Variants in CTNNA2 observed in about 807,000 individuals in gnomAD.
CTNNA2 encodes the protein catenin alpha 2, also known as catenin alpha-2.
In CTNNA2, 42 loss-of-function variants were observed where a neutral mutation model predicts 101.0. The ratio of observed to expected loss-of-function variants is 0.42; its 90% CI spans 0.32 to 0.54. The LOEUF (loss-of-function observed/expected upper bound fraction) is 0.54, where lower values mean the gene tolerates loss of function less well. Among genes scored for constraint, CTNNA2 ranks in the 20% least tolerant of loss-of-function variants. The probability of loss-of-function intolerance (pLI) is 0.14; values close to 1 mark genes in which losing one functional copy is unlikely to be tolerated. For missense variants in CTNNA2, 871 were observed against 1,223.1 expected, an observed-to-expected ratio of 0.71 and a Z score of 4.29; for synonymous variants, 450 against 456.4, an observed-to-expected ratio of 0.99 and a Z score of 0.18.
At chr2:79,353,268 G>A (rs1677432683) in intron 3 of CTNNA2, among the ~76,000 whole-genome samples, 1 of 152,208 alleles carries the variant, frequency 6.6e-6, no homozygotes, top group South Asian at 2.1e-4. Context: ...TTAGCAGCAA[G>A]TTGTCTAATT....
chr2:80,015,622 C>T (rs1694091095), intron 7 of CTNNA2, among the ~76,000 whole-genome samples: 1 of 152,092 alleles, frequency 6.6e-6, no homozygotes, highest in Admixed American at 6.6e-5. Context: ...CTAGCTCTCC[C>T]CCTCCACCGG....
intron 4 of CTNNA2, among the ~76,000 whole-genome samples, chr2:79,421,448 A>G (rs564682854): frequency 4.3e-4 from 66 of 152,314 alleles, no homozygotes; most frequent in Non-Finnish European, 8.7e-4. Flanking sequence ...CTCCTGTGAT[A>G]ATTACTGGAC....
chr2:79,988,870 C>A (rs1691961311), intron 7 of CTNNA2, among the ~76,000 whole-genome samples: 1 of 152,080 alleles, frequency 6.6e-6, no homozygotes, highest in Admixed American at 6.6e-5. Flanking sequence ...AAAATAAAAC[C>A]CTAAGTATAC....
intron 6 of CTNNA2, among the ~76,000 whole-genome samples, chr2:79,889,223 T>C (rs926215038): frequency 3.3e-5 from 5 of 152,178 alleles, no homozygotes; most frequent in Non-Finnish European, 7.3e-5. Flanking sequence ...ACGTGAAGCA[T>C]CCATTTGGAT....
At chr2:80,548,154 A>G (rs1484047643) in intron 11 of CTNNA2, among the ~76,000 whole-genome samples, 6 of 152,098 alleles carry the variant, frequency 3.9e-5, no homozygotes, top group Non-Finnish European at 8.8e-5. Context: ...GGCCACTGAT[A>G]CTAATCTTTA....
At chr2:79,290,416 G>A (rs553584717) in intron 2 of CTNNA2, among the ~76,000 whole-genome samples, 124 of 152,190 alleles carry the variant, frequency 8.1e-4, no homozygotes, top group African/African-American at 2.6e-3. Context: ...CTCCACCTCC[G>A]GCCCTGTGCC....
intron 2 of CTNNA2, among the ~76,000 whole-genome samples, chr2:79,699,832 C>CACGTGT (rs1553453392): frequency 7.3e-6 from 1 of 137,462 alleles, no homozygotes; most frequent in African/African-American, 2.7e-5. Context: ...CACACACACA[C>CACGTGT]GTGTGTGTAT....
At chr2:80,608,506 A>T (rs968607502) in intron 17 of CTNNA2, 188 bp downstream of exon 17, 95 of 496,646 alleles carry the variant, frequency 1.9e-4, no homozygotes, top group Non-Finnish European at 2.2e-4. Flanking sequence ...TGATTTTCCA[A>T]TTACCCTGTG....
chr2:79,710,385 A>G (rs1053169729), intron 2 of CTNNA2, among the ~76,000 whole-genome samples: 1 of 152,182 alleles, frequency 6.6e-6, no homozygotes, highest in Non-Finnish European at 1.5e-5. Flanking sequence ...TCAAACCTTT[A>G]TAAGAAAGTG....
At chr2:80,068,238 A>T (rs891049830) in intron 7 of CTNNA2, among the ~76,000 whole-genome samples, 3 of 152,200 alleles carry the variant, frequency 2.0e-5, no homozygotes, top group Admixed American at 6.5e-5. Flanking sequence ...GCTTATAAGC[A>T]CAGTACTGGA....
chr2:79,214,098 C>T (rs576977026), intron 2 of CTNNA2, among the ~76,000 whole-genome samples: 19 of 152,232 alleles, frequency 1.2e-4, no homozygotes, highest in Middle Eastern at 3.4e-3. Flanking sequence ...GGAGATTAGT[C>T]GGACACAATC....
At chr2:80,128,148 G>A (rs558260227) in intron 7 of CTNNA2, among the ~76,000 whole-genome samples, 102 of 152,002 alleles carry the variant, frequency 6.7e-4, no homozygotes, top group Middle Eastern at 3.4e-3. Flanking sequence ...CATGCCTCAG[G>A]GTATCAGCCA....
intron 6 of CTNNA2, among the ~76,000 whole-genome samples, chr2:79,887,977 G>T (rs1292779287): frequency 1.3e-5 from 2 of 152,146 alleles, no homozygotes; most frequent in Non-Finnish European, 2.9e-5. Context: ...ACTCCTGTGG[G>T]TTCTTAGATC....
chr2:79,997,811 T>A (rs1692664643), intron 7 of CTNNA2, among the ~76,000 whole-genome samples: 1 of 152,162 alleles, frequency 6.6e-6, no homozygotes, highest in African/African-American at 2.4e-5. Context: ...TCCTTGGCCA[T>A]GGAGAATTAA....
chr2:79,953,955 C>G (rs1689050247), intron 7 of CTNNA2, among the ~76,000 whole-genome samples: 1 of 152,102 alleles, frequency 6.6e-6, no homozygotes, highest in African/African-American at 2.4e-5. Context: ...AATATTGTAT[C>G]AGTTCATTTT....
chr2:80,644,259 T>G (rs1348057286), intron 18 of CTNNA2, among the ~76,000 whole-genome samples: 1 of 152,130 alleles, frequency 6.6e-6, no homozygotes, highest in Non-Finnish European at 1.5e-5. Context: ...TTCGAGAATT[T>G]TTGAAAATTA....
chr2:79,559,402 T>C (rs1209143030), intron 1 of CTNNA2, among the ~76,000 whole-genome samples: 2 of 151,920 alleles, frequency 1.3e-5, no homozygotes, highest in Non-Finnish European at 2.9e-5. Context: ...TGTGATATTT[T>C]GCCATGTCTG....
chr2:79,772,190 T>C (rs1673638071), intron 3 of CTNNA2, among the ~76,000 whole-genome samples: 1 of 152,142 alleles, frequency 6.6e-6, no homozygotes, highest in South Asian at 2.1e-4. Flanking sequence ...ACATGACAGA[T>C]GCTGAACTAA....
chr2:79,618,113 G>A (rs1026217150), intron 1 of CTNNA2, among the ~76,000 whole-genome samples: 5 of 152,134 alleles, frequency 3.3e-5, no homozygotes, highest in South Asian at 2.1e-4. Context: ...GTAATCCAGC[G>A]TTAAGCCATG....
Sources: gnomAD v4.1 joint callset for allele counts (sites outside exome capture counted in the v4.1 genomes callset) on GRCh38, gnomAD v4.1.1 for gene constraint, MANE v1.5 for transcripts, NCBI Gene and HGNC (gene_info 2026-07-23, HGNC 2026-07-21) for gene names.